PTPRM: variants seen among roughly 807,000 people sequenced by gnomAD.
PTPRM encodes the protein receptor-type tyrosine-protein phosphatase mu.
A neutral mutation model predicts 186.7 loss-of-function variants in PTPRM; 47 were observed. That is an observed-to-expected ratio of 0.25 (90% confidence interval 0.20 to 0.32). PTPRM has a LOEUF of 0.32. Among genes scored for constraint, PTPRM ranks in the 10% least tolerant of loss-of-function variants. PTPRM has a pLI of 1.00. For synonymous variants in PTPRM, 668 were observed against 674.9 expected (o/e 0.99, Z 0.16); for missense variants, 1,494 against 1,865.0 (o/e 0.80, Z 3.66).
chr18:7,934,323 T>C (rs957727252), intron 5 of PTPRM, among the ~76,000 whole-genome samples: 4 of 152,182 alleles, frequency 2.6e-5, no homozygotes, highest in South Asian at 2.1e-4. Flanking sequence ...ATATTTTTTT[T>C]CTTTTGAGAG....
rs186381787 is a variant in PTPRM at position 8,349,914 on chromosome 18, C to T, written c.3054+6394C>T. Among the ~76,000 whole-genome samples the T allele has an allele frequency of 3.1e-3, 475 of 152,316 alleles. 2 individuals carry two copies. Among genetic ancestry groups the T allele is most frequent in the African/African-American group, 0.011 (447 of 41,566 alleles). On this transcript the variant is annotated intron_variant, in intron 23 of 32. Coordinates refer to ENST00000580170, the MANE Select transcript of PTPRM (RefSeq NM_001105244.2). ...ACCCTGGTGTTCACACTGGTCACCC[C>T]AGCATCCACAGTGGTCACCTTGTGC...
At chr18:8,046,398 T>C (rs7235284) in intron 7 of PTPRM, among the ~76,000 whole-genome samples, 2,634 of 152,326 alleles carry the variant, frequency 0.017, 75 homozygotes, top group African/African-American at 0.06. Flanking sequence ...CAGTTATTTA[T>C]TGACCTTCTA....
At chr18:8,325,964 G>A (rs1278095006) in intron 22 of PTPRM, among the ~76,000 whole-genome samples, 2 of 152,084 alleles carry the variant, frequency 1.3e-5, no homozygotes, top group East Asian at 1.9e-4. Flanking sequence ...CTTGCTGGCC[G>A]CATGGTACCT....
chr18:8,266,988 A>G (rs1415683494), intron 19 of PTPRM, among the ~76,000 whole-genome samples: 1 of 152,152 alleles, frequency 6.6e-6, no homozygotes, highest in Non-Finnish European at 1.5e-5. Flanking sequence ...TTTATCTTCT[A>G]TTATCGCCCT....
At chr18:8,142,925 G>T (rs1317567542) in intron 13 of PTPRM, among the ~76,000 whole-genome samples, 2 of 152,162 alleles carry the variant, frequency 1.3e-5, no homozygotes. Context: ...GGACAAACAT[G>T]TCTCATGTTT....
At chr18:8,329,863 A>G (rs920561264) in intron 22 of PTPRM, among the ~76,000 whole-genome samples, 3 of 152,178 alleles carry the variant, frequency 2.0e-5, no homozygotes, top group Admixed American at 6.5e-5. Context: ...TAGTAGCATG[A>G]TCATAGCTCG....
rs555978185 is a variant in PTPRM at position 8,385,067 on chromosome 18, G to A, written c.4044+381G>A. 4.6e-5 allele frequency among the ~76,000 whole-genome samples: 7 copies of A among 152,224 alleles called. No homozygotes were observed. The South Asian group carries it at 6.2e-4, about 14-fold the overall frequency. On this transcript the variant is annotated intron_variant, in intron 30 of 32. Transcript: ENST00000580170. ...ATGGAAAATTACTAAGGGGAGGCAT[G>A]AAGAGTAAGGGGGGTTCTGGCTAAA... is the stretch of plus-strand genomic sequence containing the variant.
At chr18:8,305,621 C>A (rs548379143) in intron 20 of PTPRM, among the ~76,000 whole-genome samples, 1 of 152,334 alleles carries the variant, frequency 6.6e-6, no homozygotes, top group African/African-American at 2.4e-5. Flanking sequence ...TCCTAACCTC[C>A]GTGCTCCACT....
At chr18:7,784,693 A>C (rs2043015598) in intron 2 of PTPRM, among the ~76,000 whole-genome samples, 1 of 152,188 alleles carries the variant, frequency 6.6e-6, no homozygotes, top group South Asian at 2.1e-4. Flanking sequence ...TTTTCTCCTG[A>C]ATAAAACAGT....
intron 2 of PTPRM, among the ~76,000 whole-genome samples, chr18:7,866,518 A>G (rs1210672256): frequency 1.3e-5 from 2 of 152,072 alleles, no homozygotes; most frequent in East Asian, 3.9e-4. Context: ...TCTTAATCCT[A>G]AGTTCTAATT....
intron 14 of PTPRM, among the ~76,000 whole-genome samples, chr18:8,179,078 A>G (rs1000572750): frequency 6.6e-6 from 1 of 152,200 alleles, no homozygotes; most frequent in East Asian, 1.9e-4. Context: ...TATTATCTCT[A>G]TAAGTCAGAT....
intron 2 of PTPRM, among the ~76,000 whole-genome samples, chr18:7,883,266 A>T (rs1165904663): frequency 2.0e-5 from 3 of 152,218 alleles, no homozygotes; most frequent in Non-Finnish European, 4.4e-5. Context: ...GTAACTACAG[A>T]GGGAGACCCA....
At chr18:8,017,678 T>C (rs2084964442) in intron 7 of PTPRM, 1 of 152,102 alleles carries the variant, frequency 6.6e-6, no homozygotes, top group Non-Finnish European at 1.5e-5. Context: ...TTTCCAGTTT[T>C]GCTTTGGAGT....
At chr18:7,861,792 A>C (rs1034822186) in intron 2 of PTPRM, among the ~76,000 whole-genome samples, 18 of 151,036 alleles carry the variant, frequency 1.2e-4, no homozygotes, top group Admixed American at 6.6e-5. Flanking sequence ...GAGAGAGAGA[A>C]TCTGCACATA....
At chr18:7,598,695 A>AT (rs995977762) in intron 1 of PTPRM, among the ~76,000 whole-genome samples, 6 of 143,410 alleles carry the variant, frequency 4.2e-5, no homozygotes, top group East Asian at 4.1e-4. Flanking sequence ...CTCATGTTAG[A>AT]TTTTTTTTTC....
chr18:7,798,821 C>T (rs1478597690), intron 2 of PTPRM, among the ~76,000 whole-genome samples: 1 of 152,134 alleles, frequency 6.6e-6, no homozygotes, highest in Admixed American at 6.5e-5. Context: ...GACGATTATT[C>T]TCTGTTCTGT....
intron 7 of PTPRM, among the ~76,000 whole-genome samples, chr18:8,044,673 C>G (rs1165415503): frequency 6.7e-6 from 1 of 148,306 alleles, no homozygotes; most frequent in Non-Finnish European, 1.5e-5. Context: ...AGGAGAATCG[C>G]TTGAACCCAG....
At chr18:7,675,209 C>A (rs1420106736) in intron 1 of PTPRM, among the ~76,000 whole-genome samples, 1 of 152,098 alleles carries the variant, frequency 6.6e-6, no homozygotes, top group South Asian at 2.1e-4. Flanking sequence ...TTGGCGGAGT[C>A]CTTAGATCAG....
chr18:7,725,842 T>C (rs2040538147), intron 1 of PTPRM, among the ~76,000 whole-genome samples: 1 of 152,186 alleles, frequency 6.6e-6, no homozygotes, highest in South Asian at 2.1e-4. Context: ...TCATTCCTTC[T>C]GGACGCCAGA....
Sources: allele counts gnomAD v4.1 joint callset (sites outside exome capture counted in the v4.1 genomes callset), GRCh38; gene constraint gnomAD v4.1.1; transcripts MANE v1.5; gene names NCBI Gene and HGNC (gene_info 2026-07-23, HGNC 2026-07-21).